The following SIRT1 variants were observed in gnomAD, a reference collection of about 807,000 sequenced individuals.
SIRT1 encodes NAD-dependent protein deacetylase sirtuin-1.
In SIRT1, 24 loss-of-function variants were observed where a neutral mutation model predicts 67.9. The ratio of observed to expected loss-of-function variants is 0.35; its 90% CI spans 0.26 to 0.50. The LOEUF (loss-of-function observed/expected upper bound fraction) is 0.50. SIRT1 is among the 20% of genes least tolerant of loss of function. The pLI is 0.98. For missense variants in SIRT1, 873 were observed against 937.2 expected (o/e 0.93, Z 0.89); for synonymous variants, 378 against 350.7 (o/e 1.08, Z -0.87).
chr10:67,904,135 T>G (rs1354370948), intron 4 of SIRT1, among the ~76,000 whole-genome samples: 43 of 150,086 alleles, frequency 2.9e-4, no homozygotes, highest in Admixed American at 2.3e-3. Flanking sequence ...TTGTTTTTTT[T>G]TTTTTTTTTT....
chr10:67,907,053 C>T, intron 5 of SIRT1, 116 bp downstream of exon 5: 1 of 933,266 alleles, frequency 1.1e-6, no homozygotes, highest in South Asian at 2.4e-5. Flanking sequence ...ATCATGTTAT[C>T]TCATTTATCG....
At chr10:67,909,563 T>G in intron 7 of SIRT1, 121 bp downstream of exon 7, 1 of 832,468 alleles carries the variant, frequency 1.2e-6, no homozygotes, top group Non-Finnish European at 1.7e-6. Flanking sequence ...GAAGAGCTAA[T>G]TTTAGAAATT....
chr10:67,911,915 ACC>A (rs1462644545), intron 7 of SIRT1, among the ~76,000 whole-genome samples: 2 of 151,610 alleles, frequency 1.3e-5, no homozygotes, highest in Non-Finnish European at 2.9e-5. Flanking sequence ...GGCATGCGCT[ACC>A]ACACGCCCGG....
At chr10:67,913,141 C>A (rs774833005) in intron 8 of SIRT1, 110 bp downstream of exon 8, 4 of 1,084,034 alleles carry the variant, frequency 3.7e-6, no homozygotes, top group Non-Finnish European at 5.2e-6. Flanking sequence ...GTAGTTGATT[C>A]TGTTTAGAGA....
chr10:67,911,080 A>T (rs188818935), intron 7 of SIRT1, among the ~76,000 whole-genome samples: 12 of 152,322 alleles, frequency 7.9e-5, no homozygotes, highest in African/African-American at 2.4e-4. Flanking sequence ...AATTCTGTTA[A>T]AGTAGAATAC....
At chr10:67,910,986 C>G (rs1220219015) in intron 7 of SIRT1, among the ~76,000 whole-genome samples, 1 of 152,142 alleles carries the variant, frequency 6.6e-6, no homozygotes, top group South Asian at 2.1e-4. Flanking sequence ...TTGGAAGAAA[C>G]ATGGAGTCAA....
At position 67,885,096 on chromosome 10, in the gene SIRT1, C is replaced by T; in HGVS notation, c.375C>T (p.Asp125=). The T allele has an allele frequency of 6.9e-7, 1 of 1,445,242 alleles. No individual in the cohort carries two copies. Among genetic ancestry groups the T allele is most frequent in the Non-Finnish European group, 9.2e-7 (1 of 1,092,418 alleles). The allele number at this position is 1,445,242 out of a possible 1,614,324, so 89.5% of individuals were successfully genotyped here. The change falls in exon 1 of 9, where the codon GAC becomes GAT. Residue 125 remains aspartate, a synonymous_variant. Transcript: ENST00000212015. ...PLADNLYDED[D]DDEGEEEEEA... is the part of the protein sequence containing the mutation. ...CCGACAACTTGTACGACGAAGACGA[C>T]GACGACGAGGGCGAGGAGGAGGAAG...
intron 1 of SIRT1, among the ~76,000 whole-genome samples, chr10:67,886,242 G>A (rs932508644): frequency 1.3e-5 from 2 of 151,418 alleles, no homozygotes; most frequent in Non-Finnish European, 2.9e-5. Flanking sequence ...CGCCCGGTCA[G>A]GTTTCTTATT....
At chr10:67,914,860 C>T (rs2029873356) in intron 8 of SIRT1, among the ~76,000 whole-genome samples, 1 of 149,824 alleles carries the variant, frequency 6.7e-6, no homozygotes, top group East Asian at 2.0e-4. Flanking sequence ...ACCACAGGCG[C>T]ATGCCCTCAT....
At chr10:67,909,932 G>T (rs1268665778) in intron 7 of SIRT1, among the ~76,000 whole-genome samples, 1 of 151,936 alleles carries the variant, frequency 6.6e-6, no homozygotes, top group Admixed American at 6.6e-5. Flanking sequence ...GGCTGGATTC[G>T]AACTCCTGGG....
At chr10:67,907,060 A>T in intron 5 of SIRT1, 123 bp downstream of exon 5, 3 of 859,812 alleles carry the variant, frequency 3.5e-6, no homozygotes, top group Non-Finnish European at 5.0e-6. Context: ...TATCTCATTT[A>T]TCGATAACCT....
intron 4 of SIRT1, among the ~76,000 whole-genome samples, chr10:67,904,688 A>C (rs1204375373): frequency 1.3e-5 from 2 of 152,054 alleles, no homozygotes; most frequent in Non-Finnish European, 2.9e-5. Flanking sequence ...TCTACTAAAA[A>C]TACAAAATTA....
At position 67,885,001 on chromosome 10, in the gene SIRT1, G is replaced by T. The variant is rs1171595277; in HGVS notation, c.280G>T (p.Ala94Ser). The T allele has an allele frequency of 2.3e-6, 3 of 1,307,312 alleles. No individual in the cohort carries two copies. 81.0% of individuals were successfully genotyped at this position (1,307,312 alleles called of 1,614,324 possible). A position where few individuals can be genotyped will look rare whatever the true frequency, so the allele number is the denominator to read the frequency against. ...GGCAGGCGGGGAGCAAGAGGCCCAG[G>T]CGACTGCGGCGGCTGGGGAAGGAGA... ...AAAGGEQEAQ[A>S]TAAAGEGDNG... is the part of the protein sequence containing the mutation. Residue 94 changes from alanine (A) to serine (S), a missense_variant, in exon 1 of 9, where the codon GCG becomes TCG. This residue lies in a region of SIRT1 where 327 missense variants were observed against 283.9 expected (regional missense o/e 1.15). Transcript: ENST00000212015.
intron 4 of SIRT1, among the ~76,000 whole-genome samples, chr10:67,900,047 G>C (rs1842717550): frequency 6.6e-6 from 1 of 152,222 alleles, no homozygotes; most frequent in Admixed American, 6.5e-5. Context: ...ATATGCTGCT[G>C]TACTCCAGCC....
intron 4 of SIRT1, among the ~76,000 whole-genome samples, chr10:67,901,632 A>AT: frequency 6.6e-6 from 1 of 152,210 alleles, no homozygotes; most frequent in East Asian, 1.9e-4. Context: ...TAAAGAGGAA[A>AT]TTAAAAGTGC....
intron 4 of SIRT1, among the ~76,000 whole-genome samples, chr10:67,891,860 A>G (rs1842579415): frequency 6.6e-6 from 1 of 152,228 alleles, no homozygotes; most frequent in Admixed American, 6.5e-5. Flanking sequence ...AAAGTAACAT[A>G]ACTTGTGATT....
Position 67,907,678 on chromosome 10 carries a change from G to A in SIRT1, c.1091-368G>A, listed in dbSNP as rs534384595. Among the ~76,000 whole-genome samples, 9 of 152,160 alleles carry A rather than the reference G, an allele frequency of 5.9e-5. No homozygotes were observed. In the South Asian group the frequency reaches 1.7e-3, roughly 28 times the overall value. On this transcript the variant is annotated intron_variant, in intron 5 of 8. Transcript: ENST00000212015. ...CATTAGGTATCTAAAGTGTTTCTAA[G>A]AACTGCCGAGCTAAGGTAATAGAGT...
chr10:67,897,049 G>T (rs1254545127), intron 4 of SIRT1, among the ~76,000 whole-genome samples: 1 of 151,598 alleles, frequency 6.6e-6, no homozygotes, highest in Admixed American at 6.6e-5. Context: ...CCAGCTACTC[G>T]GGAGGCTGAG....
At chr10:67,904,936 T>A (rs976809063) in intron 4 of SIRT1, among the ~76,000 whole-genome samples, 2 of 152,100 alleles carry the variant, frequency 1.3e-5, no homozygotes, top group Admixed American at 6.5e-5. Flanking sequence ...GAGCTAAATC[T>A]AGTGTCCCAT....
Sources: gnomAD v4.1 joint callset for allele counts (sites outside exome capture counted in the v4.1 genomes callset) on GRCh38, gnomAD v4.1.1 for gene constraint, gnomAD v4.1.1 regional missense constraint, MANE v1.5 for transcripts, NCBI Gene and HGNC (gene_info 2026-07-23, HGNC 2026-07-21) for gene names.